Variants in GPC3 observed in about 807,000 individuals in gnomAD.
GPC3 encodes the protein glypican 3.
Under a neutral mutation model 34.4 loss-of-function variants are expected in GPC3, and 3 were observed. The ratio of observed to expected loss-of-function variants is 0.09; its 90% confidence interval spans 0.04 to 0.23. GPC3 has a LOEUF of 0.23. Among genes scored for constraint, GPC3 ranks in the 10% least tolerant of loss-of-function variants. The pLI is 1.00. For missense variants in GPC3, 351 were observed against 445.6 expected (o/e 0.79, Z 1.91); for synonymous variants, 177 against 174.0 (o/e 1.02, Z -0.13).
intron 2 of GPC3, among the ~76,000 whole-genome samples, chrX:133,933,579 G>A (rs947952946): frequency 9.0e-6 from 1 of 110,918 alleles, no homozygotes; most frequent in Admixed American, 9.6e-5. Flanking sequence ...TGGAGGTGGG[G>A]CCTGGTGGGA....
intron 2 of GPC3, among the ~76,000 whole-genome samples, chrX:133,785,739 CATG>C (rs1746720565): frequency 8.9e-6 from 1 of 111,994 alleles, no homozygotes; most frequent in African/African-American, 3.2e-5. Context: ...AATAAAATGA[CATG>C]ATGTCTAATC....
chrX:133,868,106 C>T (rs2075976691), intron 2 of GPC3, among the ~76,000 whole-genome samples: 1 of 111,890 alleles, frequency 8.9e-6, no homozygotes, highest in African/African-American at 3.2e-5. Context: ...GGCCCTCTGT[C>T]TTTGCAAAAA....
Position 133,809,383 on chromosome X carries a change from A to T in GPC3, c.338-55207T>A, listed in dbSNP as rs770809921. ...AGAGGAGGGGAAAAGTATCAGGGTG[A>T]TCAATTCACTATAAGGACCCACTAG... On this transcript the variant is annotated intron_variant, in intron 2 of 7. Transcript: ENST00000370818. 1.3e-4 allele frequency among the ~76,000 whole-genome samples: 15 copies of T among 111,687 alleles called. No homozygotes were observed. The South Asian group carries it at 5.8e-3, about 43-fold the overall frequency.
At chrX:133,921,399 G>A (rs775308366) in intron 2 of GPC3, among the ~76,000 whole-genome samples, 179 of 112,117 alleles carry the variant, frequency 1.6e-3, no homozygotes, top group African/African-American at 5.5e-3. Context: ...GAGGTGGGGA[G>A]CTACAATCAG....
chrX:133,579,922 G>A (rs1230003542), intron 7 of GPC3, among the ~76,000 whole-genome samples: 1 of 112,527 alleles, frequency 8.9e-6, no homozygotes, highest in Non-Finnish European at 1.9e-5. Flanking sequence ...ACTATTTATG[G>A]GAACCTACCA....
intron 2 of GPC3, among the ~76,000 whole-genome samples, chrX:133,776,723 C>A (rs2071984648): frequency 9.0e-6 from 1 of 110,998 alleles, no homozygotes; most frequent in African/African-American, 3.3e-5. Flanking sequence ...ATCCAGAGGT[C>A]AGAAGAATAC....
chrX:133,862,076 A>AT (rs35546133), intron 2 of GPC3, among the ~76,000 whole-genome samples: 26,631 of 102,194 alleles, frequency 0.26, 2,922 homozygotes, highest in African/African-American at 0.35. Context: ...GAAAAAGGGG[A>AT]TTTTTTTTTT....
At chrX:133,760,620 G>A (rs2071778183) in intron 2 of GPC3, among the ~76,000 whole-genome samples, 2 of 111,615 alleles carry the variant, frequency 1.8e-5, no homozygotes, top group Non-Finnish European at 3.8e-5. Flanking sequence ...AGGGATTTGA[G>A]AGGGGAGAGA....
At chrX:133,646,679 T>A (rs766632872) in intron 6 of GPC3, among the ~76,000 whole-genome samples, 15 of 112,146 alleles carry the variant, frequency 1.3e-4, no homozygotes, top group Middle Eastern at 4.2e-3. Context: ...AAAGTTGCTA[T>A]TACTCAGGCT....
chrX:133,868,955 A>G (rs2075981528), intron 2 of GPC3, among the ~76,000 whole-genome samples: 1 of 112,431 alleles, frequency 8.9e-6, no homozygotes, highest in East Asian at 2.8e-4. Context: ...AAAAGGGAAC[A>G]GACAAGGTTT....
intron 2 of GPC3, among the ~76,000 whole-genome samples, chrX:133,916,938 A>C (rs2076227767): frequency 9.0e-6 from 1 of 111,378 alleles, no homozygotes; most frequent in Admixed American, 9.6e-5. Flanking sequence ...AGAACACTGA[A>C]ATTAGAGTGA....
intron 6 of GPC3, 112 bp from the exon 7 acceptor site, chrX:133,596,711 G>T: frequency 2.5e-6 from 2 of 798,650 alleles, no homozygotes; most frequent in Non-Finnish European, 3.8e-6. Flanking sequence ...CACAGAAGCT[G>T]TAAAAAATCA....
chrX:133,777,596 T>C (rs914330123), intron 2 of GPC3, among the ~76,000 whole-genome samples: 5 of 112,186 alleles, frequency 4.5e-5, no homozygotes, highest in African/African-American at 1.3e-4. Context: ...TTAGGAATCT[T>C]TGATACTAGA....
intron 2 of GPC3, among the ~76,000 whole-genome samples, chrX:133,875,045 T>C (rs1446033050): frequency 8.9e-6 from 1 of 112,246 alleles, no homozygotes; most frequent in Non-Finnish European, 1.9e-5. Flanking sequence ...GGCTCATACA[T>C]GAGATCATTT....
chrX:133,596,169 CAG>C lies in GPC3; in HGVS notation c.1573+269_1573+270del, dbSNP rs1207200815. On this transcript the variant is annotated intron_variant, in intron 7 of 7. Transcript: ENST00000370818. ...AACCAAGGAAAACTCCAATGAGAAA[CAG>C]AGCCAACTGATTAGGTCAGTTCATT... Among the ~76,000 whole-genome samples, 8 of 111,504 alleles carry C rather than the reference CAG, an allele frequency of 7.2e-5. No homozygotes were observed. In the East Asian group the frequency reaches 1.1e-3, roughly 16 times the overall value.
chrX:133,573,233 C>G (rs1479881494), intron 7 of GPC3, among the ~76,000 whole-genome samples: 2 of 111,776 alleles, frequency 1.8e-5, no homozygotes, highest in Non-Finnish European at 3.8e-5. Flanking sequence ...AACACTTAAA[C>G]TAGAAATAGA....
chrX:133,794,566 C>T (rs763254696), intron 2 of GPC3, among the ~76,000 whole-genome samples: 1 of 111,624 alleles, frequency 9.0e-6, no homozygotes, highest in Non-Finnish European at 1.9e-5. Context: ...TCCTTTTTTG[C>T]GGTGCTTCTT....
At chrX:133,731,854 T>C (rs1256970430) in intron 3 of GPC3, among the ~76,000 whole-genome samples, 1 of 112,621 alleles carries the variant, frequency 8.9e-6, no homozygotes, top group East Asian at 2.8e-4. Flanking sequence ...TTTCATCCAA[T>C]AGCCTCTTTC....
Position 133,912,024 on chromosome X carries a change from C to A in GPC3, c.337+41026G>T, listed in dbSNP as rs189219839. ...CCTAATAATCTGTGGAAGTGGTTTTCAAAATCATTGTCTCAACACATTGGT... is the reference window on the plus strand; with the variant it reads ...CCTAATAATCTGTGGAAGTGGTTTTAAAAATCATTGTCTCAACACATTGGT... On this transcript the variant is annotated intron_variant, in intron 2 of 7. Coordinates refer to ENST00000370818, the MANE Select transcript of GPC3 (RefSeq NM_004484.4). 3.6e-3 allele frequency among the ~76,000 whole-genome samples: 409 copies of A among 112,318 alleles called. 2 individuals are homozygous for A. The highest frequency in any genetic ancestry group is 0.013 in the African/African-American group (390 of 30,921).
Sources: gnomAD v4.1 joint callset for allele counts (sites outside exome capture counted in the v4.1 genomes callset) on GRCh38, gnomAD v4.1.1 for gene constraint, MANE v1.5 for transcripts, NCBI Gene and HGNC (gene_info 2026-07-23, HGNC 2026-07-21) for gene names.